Variants in TASP1 observed in about 807,000 individuals in gnomAD.
TASP1 encodes taspase 1.
TASP1 carries 16 observed loss-of-function variants against 56.6 expected under a neutral mutation model. The observed-to-expected ratio is 0.28, with a 90% confidence interval of 0.19 to 0.43. The LOEUF is 0.43. TASP1 is among the 20% of genes least tolerant of loss of function. The pLI, the probability that TASP1 is intolerant of heterozygous loss-of-function variation, is 1.00. For missense variants in TASP1, 393 were observed against 511.6 expected, an observed-to-expected ratio of 0.77 and a Z score of 2.24; for synonymous variants, 179 against 184.2, an observed-to-expected ratio of 0.97 and a Z score of 0.23.
chr20:13,433,860 AC>A (rs1394981942), intron 12 of TASP1, among the ~76,000 whole-genome samples: 11 of 151,378 alleles, frequency 7.3e-5, no homozygotes, highest in Non-Finnish European at 1.0e-4. Flanking sequence ...AAAAAAAAAA[AC>A]AGAAGAATGG....
intron 13 of TASP1, among the ~76,000 whole-genome samples, chr20:13,395,732 C>T (rs138587497): frequency 6.7e-6 from 1 of 148,486 alleles, no homozygotes; most frequent in African/African-American, 2.5e-5. Flanking sequence ...GACGCAGTCT[C>T]ACTCTGTCAC....
At chr20:13,356,292 T>A in the TASP1 span, among the ~76,000 whole-genome samples, 7 of 152,334 alleles carry the variant, frequency 4.6e-5, no homozygotes, top group East Asian at 1.4e-3. Context: ...TTTCCCAGAT[T>A]TCACAATGAA....
intron 4 of TASP1, among the ~76,000 whole-genome samples, chr20:13,608,466 A>G (rs1406917837): frequency 1.3e-5 from 2 of 152,382 alleles, no homozygotes; most frequent in South Asian, 2.1e-4. Flanking sequence ...AGGGCAAGAT[A>G]TATTAACTAG....
intron 11 of TASP1, among the ~76,000 whole-genome samples, chr20:13,436,773 C>T (rs1440753477): frequency 3.3e-5 from 5 of 152,124 alleles, no homozygotes; most frequent in Non-Finnish European, 2.9e-5. Context: ...TCAAGACTAA[C>T]GACCTACTTG....
At chr20:13,249,185 C>T in the TASP1 span, among the ~76,000 whole-genome samples, 13,100 of 152,180 alleles carry the variant, frequency 0.086, 605 homozygotes, top group Non-Finnish European at 0.096. Context: ...CCAAATCTCA[C>T]GGGAATCAGG....
intron 13 of TASP1, among the ~76,000 whole-genome samples, chr20:13,395,336 G>A (rs955576171): frequency 2.0e-5 from 3 of 152,186 alleles, no homozygotes; most frequent in Admixed American, 6.5e-5. Flanking sequence ...AGACAAGTGT[G>A]TTCAGCTCAA....
intron 2 of TASP1, among the ~76,000 whole-genome samples, chr20:13,627,555 A>G (rs375394719): frequency 1.3e-5 from 2 of 152,220 alleles, no homozygotes; most frequent in South Asian, 4.1e-4. Context: ...GTTTGAGAGC[A>G]GCCTGGCCAA....
chr20:13,197,153 C>T, the TASP1 span, among the ~76,000 whole-genome samples: 1 of 152,170 alleles, frequency 6.6e-6, no homozygotes, highest in South Asian at 2.1e-4. Flanking sequence ...ACAAAAGAAA[C>T]AGAACTTGTT....
At chr20:13,185,831 A>G in the TASP1 span, among the ~76,000 whole-genome samples, 1 of 152,190 alleles carries the variant, frequency 6.6e-6, no homozygotes, top group African/African-American at 2.4e-5. Flanking sequence ...GACACTTCCA[A>G]TCTCAGCTCT....
At chr20:13,377,650 A>G in the TASP1 span, among the ~76,000 whole-genome samples, 1 of 152,162 alleles carries the variant, frequency 6.6e-6, no homozygotes, top group East Asian at 1.9e-4. Flanking sequence ...AAGGAATGGT[A>G]CCAGCTCTTT....
intron 10 of TASP1, among the ~76,000 whole-genome samples, chr20:13,496,010 C>T (rs927986943): frequency 3.9e-5 from 6 of 151,940 alleles, no homozygotes; most frequent in South Asian, 2.1e-4. Context: ...AATCTATAAG[C>T]GTATGGTTTT....
chr20:13,286,072 TACTC>T, the TASP1 span, among the ~76,000 whole-genome samples: 3 of 152,236 alleles, frequency 2.0e-5, no homozygotes, highest in Non-Finnish European at 4.4e-5. Context: ...TCTTCTGACT[TACTC>T]ATTCCCCCTT....
intron 7 of TASP1, among the ~76,000 whole-genome samples, chr20:13,563,164 T>G (rs906791256): frequency 6.6e-6 from 1 of 151,398 alleles, no homozygotes; most frequent in East Asian, 2.0e-4. Context: ...TGAAAAATTG[T>G]GTACCCAAAT....
the TASP1 span, among the ~76,000 whole-genome samples, chr20:13,301,594 A>T: frequency 6.6e-6 from 1 of 152,310 alleles, no homozygotes; most frequent in East Asian, 1.9e-4. Flanking sequence ...AGACTTATTC[A>T]CATCTGAAGC....
At chr20:13,420,000 T>G (rs2042382319) in intron 12 of TASP1, among the ~76,000 whole-genome samples, 1 of 152,218 alleles carries the variant, frequency 6.6e-6, no homozygotes, top group South Asian at 2.1e-4. Context: ...ACTCAAGTCT[T>G]ACTGAAGTTC....
chr20:13,500,110 C>T (rs960951847), intron 10 of TASP1, among the ~76,000 whole-genome samples: 2 of 151,436 alleles, frequency 1.3e-5, no homozygotes, highest in African/African-American at 4.9e-5. Flanking sequence ...CAAACCTGCA[C>T]ACACACACCC....
the TASP1 span, among the ~76,000 whole-genome samples, chr20:13,195,410 G>A: frequency 6.6e-6 from 1 of 152,142 alleles, no homozygotes; most frequent in Non-Finnish European, 1.5e-5. Flanking sequence ...TGGAAGTCAA[G>A]TCACAAGGGC....
At chr20:13,269,316 G>A in the TASP1 span, among the ~76,000 whole-genome samples, 1 of 152,218 alleles carries the variant, frequency 6.6e-6, no homozygotes, top group African/African-American at 2.4e-5. Context: ...TTTGGAAAAG[G>A]AGTCCAGCAA....
chr20:13,589,964 G>A (rs1271566337), intron 4 of TASP1, among the ~76,000 whole-genome samples: 5 of 152,156 alleles, frequency 3.3e-5, no homozygotes, highest in Non-Finnish European at 7.3e-5. Flanking sequence ...AGCCATGGTG[G>A]CTCACACCTG....
Sources: gnomAD v4.1 joint callset for allele counts (sites outside exome capture counted in the v4.1 genomes callset) on GRCh38, gnomAD v4.1.1 for gene constraint, MANE v1.5 for transcripts, NCBI Gene and HGNC (gene_info 2026-07-23, HGNC 2026-07-21) for gene names.